BRCA2: variants seen among roughly 807,000 people sequenced by gnomAD.
BRCA2 encodes BRCA2 DNA repair associated.
A neutral mutation model predicts 276.7 loss-of-function variants in BRCA2; 203 were observed. The ratio of observed to expected loss-of-function variants is 0.73; its 90% CI spans 0.65 to 0.82. The LOEUF is 0.82. Among genes scored for constraint, BRCA2 ranks in the 40% least tolerant of loss-of-function variants. The pLI, the probability that BRCA2 is intolerant of heterozygous loss-of-function variation, is 0.00. For missense variants in BRCA2, 3,920 were observed against 3,915.0 expected, an observed-to-expected ratio of 1.00 and a Z score of -0.03; for synonymous variants, 1,289 against 1,338.4, an observed-to-expected ratio of 0.96 and a Z score of 0.81.
rs276174878 is a variant in BRCA2, at chr13:32,319,060, A to AT, written c.68-7dup. ...TGTCACTGGTTAAAACTAAGGTGGG[A>AT]TTTTTTTTTTAAATAGATTTAGGAC... On this transcript the variant is annotated splice_polypyrimidine_tract_variant and intron_variant, in intron 2 of 26. Coordinates refer to ENST00000380152, the MANE Select transcript of BRCA2 (RefSeq NM_000059.4). 458 of 1,568,270 alleles carry AT rather than the reference A, an allele frequency of 2.9e-4. 1 individual carries two copies. Among genetic ancestry groups the AT allele is most frequent in the African/African-American group, 1.2e-3 (88 of 73,474 alleles).
At chr13:32,387,498 C>G (rs1479484769) in intron 24 of BRCA2, among the ~76,000 whole-genome samples, 2 of 152,072 alleles carry the variant, frequency 1.3e-5, no homozygotes, top group African/African-American at 4.8e-5. Flanking sequence ...GGAAGACACC[C>G]GTTACTTAGC....
intron 7 of BRCA2, among the ~76,000 whole-genome samples, chr13:32,327,383 G>T (rs1334633326): frequency 6.6e-6 from 1 of 152,126 alleles, no homozygotes; most frequent in Non-Finnish European, 1.5e-5. Context: ...GGAGGCAGAG[G>T]GTGCAGTGAG....
chr13:32,339,058 A>G lies in BRCA2; in HGVS notation c.4703A>G (p.Lys1568Arg), dbSNP rs80358699. The G allele has an allele frequency of 1.2e-6, 2 of 1,613,938 alleles. No individual in the cohort carries two copies. The highest frequency in any genetic ancestry group is 1.7e-6 in the Non-Finnish European group (2 of 1,179,958). The change falls in exon 11 of 27, where the codon AAG becomes AGG. Residue 1568 changes from lysine (K) to arginine (R), a missense_variant. Lys to Arg is a conservative substitution (Grantham distance 26). Around this residue, in one of 2 missense-constraint regions of BRCA2, gnomAD observed 3,263 missense variants for 3,156.9 expected, o/e 1.03. Coordinates refer to ENST00000380152, the MANE Select transcript of BRCA2 (RefSeq NM_000059.4). ...AGCCATCAATGGGCAAAGACCCTAA[A>G]GTACAGAGAGGCCTGTAAAGACCTT... ...SFSHQWAKTL[K>R]YREACKDLEL...
At chr13:32,353,363 G>A (rs1196296384) in intron 13 of BRCA2, among the ~76,000 whole-genome samples, 2 of 152,174 alleles carry the variant, frequency 1.3e-5, no homozygotes, top group African/African-American at 4.8e-5. Flanking sequence ...TCAATACACA[G>A]TGAATTCTCA....
chr13:32,338,216 TAATA>T lies in BRCA2; in HGVS notation c.3865_3868del (p.Lys1289AlafsTer3), dbSNP rs80359412. 1 of 1,542,218 alleles carries T rather than the reference TAATA, an allele frequency of 6.5e-7. No individual in the cohort carries two copies. Among genetic ancestry groups the T allele is most frequent in the Non-Finnish European group, 8.8e-7 (1 of 1,142,666 alleles). ...ATGATAAAACTGTAAGTGAAAAAAATAATAAATGCCAACTGATATTACAAAATAA... is the reference window on the plus strand; with the variant it reads ...ATGATAAAACTGTAAGTGAAAAAAATAATGCCAACTGATATTACAAAATAA... On this transcript the variant is annotated frameshift_variant, in exon 11 of 27. Coordinates refer to ENST00000380152, the MANE Select transcript of BRCA2 (RefSeq NM_000059.4). LOFTEE classifies it high-confidence loss of function.
chr13:32,355,392 A>G (rs566466664), intron 14 of BRCA2, 104 bp downstream of exon 14: 1 of 1,288,456 alleles, frequency 7.8e-7, no homozygotes, highest in South Asian at 1.3e-5. Flanking sequence ...TGGTAATTTT[A>G]AAGCCCTTTT....
intron 2 of BRCA2, 108 bp from the exon 3 acceptor site, chr13:32,318,969 C>A (rs2138702919): frequency 4.2e-6 from 6 of 1,416,242 alleles, no homozygotes; most frequent in Non-Finnish European, 5.8e-6. Flanking sequence ...CAAAAGTAAT[C>A]CATAGTCAAG....
At position 32,394,881 on chromosome 13, in the gene BRCA2, C is replaced by T. The variant is rs80359217; in HGVS notation, c.9449C>T (p.Pro3150Leu). 2 of 1,613,990 alleles carry T rather than the reference C, an allele frequency of 1.2e-6. No individual in the cohort carries two copies. The highest frequency in any genetic ancestry group is 4.5e-5 in the East Asian group (2 of 44,866). Reference protein sequence around the residue: ...AGDFSVFSASPKEGHFQETFN... With the variant: ...AGDFSVFSASLKEGHFQETFN... ...GATTTTTCTGTGTTTTCTGCTAGTC[C>T]AAAAGAGGGCCACTTTCAAGAGACA... is the stretch of plus-strand genomic sequence containing the variant. The change falls in exon 25 of 27, where the codon CCA becomes CTA. Residue 3150 changes from proline to leucine, a missense_variant. By Grantham distance (98) the Pro-to-Leu change is moderately conservative (BLOSUM62 -3). This residue lies in a region of BRCA2 where 657 missense variants were observed against 758.2 expected (regional missense o/e 0.87). Transcript: ENST00000380152.
At chr13:32,322,100 C>G (rs2072309943) in intron 3 of BRCA2, among the ~76,000 whole-genome samples, 2 of 152,262 alleles carry the variant, frequency 1.3e-5, no homozygotes, top group Middle Eastern at 6.8e-3. Flanking sequence ...TGGCATTATA[C>G]AGAATAATTT....
intron 11 of BRCA2, among the ~76,000 whole-genome samples, chr13:32,344,190 A>G (rs949893026): frequency 3.3e-5 from 5 of 151,860 alleles, no homozygotes; most frequent in Non-Finnish European, 5.9e-5. Context: ...AAAAGAGAGA[A>G]AAAGTTTATT....
intron 18 of BRCA2, among the ~76,000 whole-genome samples, chr13:32,367,253 G>A (rs983697721): frequency 6.6e-6 from 1 of 152,022 alleles, no homozygotes; most frequent in African/African-American, 2.4e-5. Context: ...TGGCCAACAT[G>A]GTGAAACCCC....
chr13:32,359,885 A>G (rs1345467810), intron 16 of BRCA2, among the ~76,000 whole-genome samples: 3 of 152,226 alleles, frequency 2.0e-5, no homozygotes, highest in Non-Finnish European at 2.9e-5. Context: ...TATTCTGGGT[A>G]CTAGGGATAA....
rs1555281985 is a variant in BRCA2, at chr13:32,333,094, G to T, written c.1616G>T (p.Gly539Val). 2 of 1,612,950 alleles carry T rather than the reference G, an allele frequency of 1.2e-6. No homozygotes were observed. The highest frequency in any genetic ancestry group is 2.2e-5 in the South Asian group (2 of 90,590). ...FKKETEASES[G>V]LEIHTVCSQK... ...AAAGAAACTGAAGCCTCTGAAAGTG[G>T]ACTGGAAATACATACTGTTTGCTCA... The change falls in exon 10 of 27, where the codon GGA becomes GTA. Residue 539 changes from glycine (G) to valine (V), a missense_variant. This residue lies in a region of BRCA2 where 3,263 missense variants were observed against 3,156.9 expected (regional missense o/e 1.03). Transcript: ENST00000380152.
rs587782588 is a variant in BRCA2 at position 32,362,566 on chromosome 13, A to G, written c.7849A>G (p.Arg2617Gly). Residue 2617 changes from arginine (R) to glycine (G), a missense_variant, in exon 17 of 27, where the codon AGA becomes GGA. This residue lies in a region of BRCA2 where 3,263 missense variants were observed against 3,156.9 expected (regional missense o/e 1.03). Coordinates refer to ENST00000380152, the MANE Select transcript of BRCA2 (RefSeq NM_000059.4). ...AGGTGTGGATCCAAAGCTTATTTCT[A>G]GAATTTGGGTTTATAATCACTATAG... is the stretch of plus-strand genomic sequence containing the variant. ...TPGVDPKLISRIWVYNHYRWI... is the reference protein window; with the variant it reads ...TPGVDPKLISGIWVYNHYRWI... The G allele has an allele frequency of 1.9e-6, 3 of 1,613,990 alleles. No individual in the cohort carries two copies. In the African/African-American group the frequency reaches 4.0e-5, roughly 22 times the overall value.
At chr13:32,370,792 C>A (rs2137598998) in intron 19 of BRCA2, among the ~76,000 whole-genome samples, 164 bp from the exon 20 acceptor site, 1 of 152,248 alleles carries the variant, frequency 6.6e-6, no homozygotes, top group East Asian at 1.9e-4. Context: ...GGGGTTTCAT[C>A]ATGTTGGTCA....
intron 13 of BRCA2, 134 bp downstream of exon 13, chr13:32,347,030 T>TTTATAAA: frequency 9.0e-6 from 6 of 667,328 alleles, no homozygotes; most frequent in South Asian, 4.3e-5. Flanking sequence ...ATTTATAAAA[T>TTTATAAA]ACTTTGGTAG....
chr13:32,377,211 TAGA>T (rs2072879789), intron 21 of BRCA2, among the ~76,000 whole-genome samples: 1 of 152,154 alleles, frequency 6.6e-6, no homozygotes, highest in South Asian at 2.1e-4. Flanking sequence ...GGTACTTGGG[TAGA>T]AATGTTTCCG....
chr13:32,319,658 A>G (rs760307656), intron 3 of BRCA2, among the ~76,000 whole-genome samples: 2 of 152,262 alleles, frequency 1.3e-5, no homozygotes, highest in African/African-American at 4.8e-5. Flanking sequence ...TCTGCAAGCT[A>G]TCACAGAGGA....
chr13:32,383,942 G>A (rs1156465596), intron 24 of BRCA2, among the ~76,000 whole-genome samples: 1 of 152,172 alleles, frequency 6.6e-6, no homozygotes, highest in Non-Finnish European at 1.5e-5. Flanking sequence ...AAGAAAACAA[G>A]GAACTTGGGA....
Sources: gnomAD v4.1 joint callset for allele counts (sites outside exome capture counted in the v4.1 genomes callset) on GRCh38, gnomAD v4.1.1 for gene constraint, gnomAD v4.1.1 regional missense constraint, MANE v1.5 for transcripts, NCBI Gene and HGNC (gene_info 2026-07-23, HGNC 2026-07-21) for gene names.